The following SHCBP1L variants were observed in gnomAD, a reference collection of about 807,000 sequenced individuals.
SHCBP1L encodes SHC binding and spindle associated 1 like.
Under a neutral mutation model 62.5 loss-of-function variants are expected in SHCBP1L, and 67 were observed. The observed-to-expected ratio is 1.07, with a 90% CI of 0.88 to 1.31. The LOEUF is 1.31. SHCBP1L is among the 40% of genes most tolerant of loss of function. The pLI is 0.00. For synonymous variants in SHCBP1L, 284 were observed against 289.4 expected, an observed-to-expected ratio of 0.98 and a Z score of 0.19; for missense variants, 823 against 809.8, an observed-to-expected ratio of 1.02 and a Z score of -0.20.
Position 182,939,209 on chromosome 1 carries a change from C to T in SHCBP1L, c.1043G>A (p.Gly348Glu). The change falls in exon 5 of 10, where the codon GGA (glycine) becomes GAA (glutamate). Residue 348 changes from glycine to glutamate, a missense_variant. Coordinates refer to ENST00000367547, the MANE Select transcript of SHCBP1L (RefSeq NM_030933.4). The part of the protein sequence containing the change: ...KKYYEIVMLC[G>E]LLKMWEDLRL... ...TAAATCTTCCCACATTTTCAGTAATCCACAGAGCATGACTATCTCATAGTA... is the reference window on the plus strand; with the variant it reads ...TAAATCTTCCCACATTTTCAGTAATTCACAGAGCATGACTATCTCATAGTA... 6.2e-7 allele frequency: 1 copy of T among 1,613,428 alleles called. No homozygotes were observed. Among genetic ancestry groups the T allele is most frequent in the African/African-American group, 1.3e-5 (1 of 75,006 alleles).
At chr1:182,908,919 A>G (rs912999737) in intron 6 of SHCBP1L, among the ~76,000 whole-genome samples, 1 of 152,234 alleles carries the variant, frequency 6.6e-6, no homozygotes, top group Non-Finnish European at 1.5e-5. Context: ...TTTAACGGAC[A>G]AAAGTCCTCC....
rs1290070452 is a variant in SHCBP1L at position 182,940,437 on chromosome 1, TC to T, written c.661del (p.Asp221MetfsTer123). ...NIANIPRDLV[D>X]EILEELEHSV... ...GTGTTCCAGTTCCTCCAAAATCTCA[TC>T]AACCAAATCTCTTGGAATATTTGCA... On this transcript the variant is annotated frameshift_variant, in exon 3 of 10. Transcript: ENST00000367547. LOFTEE classifies it high-confidence loss of function. The T allele has an allele frequency of 6.2e-7, 1 of 1,613,942 alleles. No individual in the cohort carries two copies. Among genetic ancestry groups the T allele is most frequent in the African/African-American group, 1.3e-5 (1 of 75,020 alleles).
chr1:182,928,790 A>C (rs1172237931), intron 6 of SHCBP1L, among the ~76,000 whole-genome samples: 1 of 152,176 alleles, frequency 6.6e-6, no homozygotes, highest in African/African-American at 2.4e-5. Context: ...TACTGGTGAG[A>C]CAATTAAGTG....
intron 6 of SHCBP1L, among the ~76,000 whole-genome samples, chr1:182,921,887 CA>C (rs200347069): frequency 7.3e-5 from 11 of 151,226 alleles, no homozygotes; most frequent in South Asian, 2.1e-4. Context: ...GACTCAGTTC[CA>C]AAAAAAAGAA....
intron 9 of SHCBP1L, among the ~76,000 whole-genome samples, chr1:182,901,232 C>T (rs1297642404): frequency 3.3e-5 from 5 of 151,788 alleles, no homozygotes; most frequent in South Asian, 2.1e-4. Flanking sequence ...CAGAGGCGGG[C>T]GGATCACCTG....
At position 182,931,943 on chromosome 1, in the gene SHCBP1L, A is replaced by ATTTTTTTTTTTT. The variant is rs1164377476; in HGVS notation, c.1077-2203_1077-2192dup. Among the ~76,000 whole-genome samples, 21 of 69,678 alleles carry ATTTTTTTTTTTT rather than the reference A, an allele frequency of 3.0e-4. 3 individuals are homozygous for ATTTTTTTTTTTT. The highest frequency in any genetic ancestry group is 1.2e-3 in the African/African-American group (19 of 16,086). 45.7% of individuals were successfully genotyped at this position (69,678 alleles called of 152,430 possible). A position where few individuals can be genotyped will look rare whatever the true frequency, so the allele number is the denominator to read the frequency against. Reference sequence around the variant, plus strand: ...CTCCCTTAATACTTGGGAACCACTGATTTTTTTTTTTTTTTTTTTTTTTTT... The same window carrying ATTTTTTTTTTTT: ...CTCCCTTAATACTTGGGAACCACTGATTTTTTTTTTTTTTTTTTTTTTTTTTTTTTTTTTTTT... On this transcript the variant is annotated intron_variant, in intron 5 of 9. Coordinates refer to ENST00000367547, the MANE Select transcript of SHCBP1L (RefSeq NM_030933.4).
chr1:182,935,109 A>T (rs1377762347), intron 5 of SHCBP1L, among the ~76,000 whole-genome samples: 1 of 152,114 alleles, frequency 6.6e-6, no homozygotes, highest in Non-Finnish European at 1.5e-5. Context: ...ACAGCTTCAT[A>T]GTAAGTCTTA....
intron 6 of SHCBP1L, 76 bp from the exon 7 acceptor site, chr1:182,905,725 G>A: frequency 7.2e-7 from 1 of 1,389,474 alleles, no homozygotes; most frequent in Non-Finnish European, 9.8e-7. Context: ...GTTACTTACT[G>A]GACAAGTACT....
At chr1:182,904,610 T>A (rs1042236862) in intron 7 of SHCBP1L, among the ~76,000 whole-genome samples, 180 bp from the exon 8 acceptor site, 1 of 152,026 alleles carries the variant, frequency 6.6e-6, no homozygotes, top group South Asian at 2.1e-4. Flanking sequence ...GTTCTCGCTA[T>A]GTTGCCCAGG....
chr1:182,933,737 T>C lies in SHCBP1L; in HGVS notation c.1077-3985A>G, dbSNP rs1174923776. On this transcript the variant is annotated intron_variant, in intron 5 of 9. Transcript: ENST00000367547. ...TTTATATGTTGCTGGACTCCATTTG[T>C]TAGTATTTTGTTGAGGATTTTGTAT... Among the ~76,000 whole-genome samples the C allele has an allele frequency of 2.6e-5, 4 of 152,150 alleles. No individual in the cohort carries two copies. In the East Asian group the frequency reaches 7.7e-4, roughly 29 times the overall value.
Position 182,952,790 on chromosome 1 carries a change from C to A in SHCBP1L, c.344G>T (p.Arg115Met). ...CACCTTCTCGTCCCGCCACATCCCC[C>A]TCATACGGGACACGCAGACTGGGGG... ...PLPPVCVSRM[R>M]GMWRDEKVSL... Residue 115 changes from arginine (R) to methionine (M), a missense_variant, in exon 1 of 10, where the codon AGG (arginine) becomes ATG (methionine). Physicochemically the swap from Arg to Met is moderately conservative, Grantham distance 91 (BLOSUM62 -1). Coordinates refer to ENST00000367547, the MANE Select transcript of SHCBP1L (RefSeq NM_030933.4). 1 of 1,612,798 alleles carries A rather than the reference C, an allele frequency of 6.2e-7. No individual in the cohort carries two copies. Among genetic ancestry groups the A allele is most frequent in the Non-Finnish European group, 8.5e-7 (1 of 1,179,522 alleles).
At chr1:182,924,773 AAAGAAAGAAAGAAAG>A (rs2101936707) in intron 6 of SHCBP1L, among the ~76,000 whole-genome samples, 1 of 112,134 alleles carries the variant, frequency 8.9e-6, no homozygotes, top group African/African-American at 5.8e-5. Context: ...AGAAAGAAAG[AAAGAAAGAAAGAAAG>A]AGAGAAAGAA....
chr1:182,942,653 G>A (rs1651411246), intron 2 of SHCBP1L, among the ~76,000 whole-genome samples: 1 of 152,162 alleles, frequency 6.6e-6, no homozygotes, highest in South Asian at 2.1e-4. Flanking sequence ...AACCAAAGTT[G>A]ATAGTTTTTT....
rs931694012 is a variant in SHCBP1L at position 182,899,885 on chromosome 1, A to G, written c.*98T>C. 9.8e-7 allele frequency: 1 copy of G among 1,018,602 alleles called. No individual in the cohort carries two copies. Among genetic ancestry groups the G allele is most frequent in the South Asian group, 2.3e-5 (1 of 43,302 alleles). The allele number at this position is 1,018,602 out of a possible 1,614,324, so 63.1% of individuals were successfully genotyped here. A position where few individuals can be genotyped will look rare whatever the true frequency, so the allele number is the denominator to read the frequency against. On this transcript the variant is annotated 3_prime_UTR_variant, in exon 10 of 10. Transcript: ENST00000367547. Reference sequence around the variant, plus strand: ...AAGCATGATATTTAAATATTTTTTAATTAAGCTTTGAATTGAAACTACCAT... The same window carrying G: ...AAGCATGATATTTAAATATTTTTTAGTTAAGCTTTGAATTGAAACTACCAT...
chr1:182,915,287 G>T (rs750482795), intron 6 of SHCBP1L, among the ~76,000 whole-genome samples: 32 of 151,434 alleles, frequency 2.1e-4, no homozygotes, highest in Non-Finnish European at 4.1e-4. Context: ...AAGAGCTGGG[G>T]TGGCTACACT....
chr1:182,900,897 A>C (rs1649813593), intron 9 of SHCBP1L, among the ~76,000 whole-genome samples: 1 of 152,210 alleles, frequency 6.6e-6, no homozygotes, highest in Non-Finnish European at 1.5e-5. Context: ...AAAAAGTGTA[A>C]GAAAATATTT....
At chr1:182,948,093 A>C (rs1651620456) in intron 2 of SHCBP1L, among the ~76,000 whole-genome samples, 1 of 152,238 alleles carries the variant, frequency 6.6e-6, no homozygotes, top group Non-Finnish European at 1.5e-5. Flanking sequence ...GATATCAGCA[A>C]GGCTTCCAGT....
At chr1:182,904,909 G>A (rs1161537189) in intron 7 of SHCBP1L, among the ~76,000 whole-genome samples, 2 of 152,004 alleles carry the variant, frequency 1.3e-5, no homozygotes, top group African/African-American at 4.8e-5. Flanking sequence ...ACCACATCCA[G>A]CTAACTTTTG....
intron 6 of SHCBP1L, among the ~76,000 whole-genome samples, chr1:182,924,498 G>A (rs778106212): frequency 2.0e-5 from 3 of 151,160 alleles, no homozygotes; most frequent in Non-Finnish European, 4.4e-5. Context: ...GGGTTTCACC[G>A]TGTTAGCCAG....
Sources: allele counts gnomAD v4.1 joint callset (sites outside exome capture counted in the v4.1 genomes callset), GRCh38; gene constraint gnomAD v4.1.1; transcripts MANE v1.5; gene names NCBI Gene and HGNC (gene_info 2026-07-23, HGNC 2026-07-21).